The following SLC9C2 variants were observed in gnomAD, a reference collection of about 807,000 sequenced individuals.
SLC9C2 encodes the protein sodium/hydrogen exchanger 11.
In SLC9C2, 75 loss-of-function variants were observed where a neutral mutation model predicts 140.2. The ratio of observed to expected loss-of-function variants is 0.53; its 90% confidence interval spans 0.44 to 0.65. The LOEUF (loss-of-function observed/expected upper bound fraction) is 0.65, where lower values mean the gene tolerates loss of function less well. Ranked by LOEUF, SLC9C2 falls within the 30% of genes least tolerant of loss-of-function variation. The pLI is 0.00. For missense variants in SLC9C2, 1,074 were observed against 1,331.8 expected, an observed-to-expected ratio of 0.81 and a Z score of 3.01; for synonymous variants, 375 against 420.9, an observed-to-expected ratio of 0.89 and a Z score of 1.34.
intron 11 of SLC9C2, among the ~76,000 whole-genome samples, chr1:173,550,428 A>T (rs915139858): frequency 3.3e-5 from 4 of 121,080 alleles, no homozygotes; most frequent in South Asian, 2.7e-4. Context: ...TATTTTATTT[A>T]TTTATTTATT....
intron 11 of SLC9C2, among the ~76,000 whole-genome samples, chr1:173,549,816 T>C (rs1663126612): frequency 6.6e-6 from 1 of 151,944 alleles, no homozygotes; most frequent in Non-Finnish European, 1.5e-5. Flanking sequence ...CAATCAAAAA[T>C]TTATAGAGGG....
intron 13 of SLC9C2, among the ~76,000 whole-genome samples, chr1:173,544,734 A>G (rs1376335537): frequency 1.3e-5 from 2 of 152,170 alleles, no homozygotes; most frequent in African/African-American, 4.8e-5. Context: ...GGAAACCATA[A>G]TTCTGAGCAA....
At chr1:173,537,455 A>T (rs1662053495) in intron 13 of SLC9C2, among the ~76,000 whole-genome samples, 1 of 151,944 alleles carries the variant, frequency 6.6e-6, no homozygotes, top group African/African-American at 2.4e-5. Context: ...CCAGCTACTC[A>T]GGAGGCTAAG....
At chr1:173,522,015 G>C (rs1181688760) in intron 21 of SLC9C2, among the ~76,000 whole-genome samples, 1 of 151,818 alleles carries the variant, frequency 6.6e-6, no homozygotes, top group Non-Finnish European at 1.5e-5. Flanking sequence ...TGGCTAACAC[G>C]GTGAAACCCC....
At chr1:173,511,375 G>T (rs542199009) in intron 23 of SLC9C2, among the ~76,000 whole-genome samples, 326 of 152,062 alleles carry the variant, frequency 2.1e-3, no homozygotes, top group Admixed American at 3.3e-3. Flanking sequence ...GGTGTGAGAT[G>T]GTATTTCATT....
rs367906742 is a variant in SLC9C2, at chr1:173,550,439, TATTTATTTA to T, written c.1298-1896_1298-1888del. On this transcript the variant is annotated intron_variant, in intron 11 of 27. Coordinates refer to ENST00000367714, the MANE Select transcript of SLC9C2 (RefSeq NM_178527.4). ...TTTTTATTTTATTTATTTATTTATT[TATTTATTTA>T]TTTATTTTTGAGGAGGAGTTTCACT... Among the ~76,000 whole-genome samples the T allele has an allele frequency of 4.4e-4, 54 of 123,876 alleles. No individual in the cohort carries two copies. In the Middle Eastern group the frequency reaches 0.011, roughly 24 times the overall value. The allele number at this position is 123,876 out of a possible 152,430, so 81.3% of individuals were successfully genotyped here.
chr1:173,578,229 T>G (rs141172225), intron 7 of SLC9C2, among the ~76,000 whole-genome samples: 1 of 152,304 alleles, frequency 6.6e-6, no homozygotes, highest in Non-Finnish European at 1.5e-5. Context: ...CCCATGTTCT[T>G]TCATGAATTA....
chr1:173,514,447 G>A lies in SLC9C2; in HGVS notation c.2907+3090C>T, dbSNP rs182935453. On this transcript the variant is annotated intron_variant, in intron 23 of 27. Coordinates refer to ENST00000367714, the MANE Select transcript of SLC9C2 (RefSeq NM_178527.4). Reference sequence around the variant, plus strand: ...TCTTTTTTGATCTTTATTAAAGTCCGTTTTGTCAGAGACTAGTATTTCAAC... The same window carrying A: ...TCTTTTTTGATCTTTATTAAAGTCCATTTTGTCAGAGACTAGTATTTCAAC... Among the ~76,000 whole-genome samples the A allele has an allele frequency of 5.0e-3, 757 of 151,980 alleles. 7 individuals are homozygous for A. Among genetic ancestry groups the A allele is most frequent in the African/African-American group, 0.017 (714 of 41,442 alleles).
chr1:173,583,446 A>G, intron 6 of SLC9C2, 60 bp downstream of exon 6: 1 of 950,068 alleles, frequency 1.1e-6, no homozygotes, highest in Non-Finnish European at 1.6e-6. Context: ...AAACATTTGA[A>G]TGTATTTTAA....
chr1:173,554,832 A>G lies in SLC9C2; in HGVS notation c.1216-18T>C, dbSNP rs1260812070. ...AGTATAAACTAAAAACAAAGCACAT[A>G]AATAGTTAGAACCAAAACATTAAAT... On this transcript the variant is annotated intron_variant, in intron 10 of 27. Transcript: ENST00000367714. 6.9e-7 allele frequency: 1 copy of G among 1,440,682 alleles called. No individual in the cohort carries two copies. Among genetic ancestry groups the G allele is most frequent in the Non-Finnish European group, 9.7e-7 (1 of 1,032,078 alleles). 89.2% of individuals were successfully genotyped at this position (1,440,682 alleles called of 1,614,324 possible).
chr1:173,600,517 G>A (rs560720334), intron 2 of SLC9C2, among the ~76,000 whole-genome samples: 3 of 152,020 alleles, frequency 2.0e-5, no homozygotes, highest in Non-Finnish European at 4.4e-5. Flanking sequence ...CTGACTGTAG[G>A]CAAATGTGTT....
intron 9 of SLC9C2, among the ~76,000 whole-genome samples, chr1:173,564,900 G>A (rs1314226514): frequency 5.3e-5 from 8 of 150,784 alleles, no homozygotes; most frequent in African/African-American, 1.9e-4. Context: ...GCCTCCCAAA[G>A]TGCTGGGATT....
In SLC9C2 at chr1:173,548,526, G is replaced by C. The variant is rs770782448; in HGVS notation, c.1324C>G (p.Gln442Glu). 6.2e-7 allele frequency: 1 copy of C among 1,613,658 alleles called. No individual in the cohort carries two copies. Among genetic ancestry groups the C allele is most frequent in the Admixed American group, 1.7e-5 (1 of 59,986 alleles). The change falls in exon 12 of 28, where the codon CAA (glutamine) becomes GAA (glutamate). Residue 442 changes from glutamine (Q) to glutamate (E), a missense_variant. Coordinates refer to ENST00000367714, the MANE Select transcript of SLC9C2 (RefSeq NM_178527.4). Reference sequence around the variant, plus strand: ...TGAGTGGCATTTTGCAAGATCATTTGTCTTGGGAGGGAAAGAACACACAAA... The same window carrying C: ...TGAGTGGCATTTTGCAAGATCATTTCTCTTGGGAGGGAAAGAACACACAAA... ...LDLCVLSLPRQMILQNATQHI... is the reference protein window; with the variant it reads ...LDLCVLSLPREMILQNATQHI...
In SLC9C2 at chr1:173,591,817, G is replaced by A. The variant is rs192163724; in HGVS notation, c.358-3987C>T. 9.3e-4 allele frequency among the ~76,000 whole-genome samples: 142 copies of A among 152,140 alleles called. 1 individual carries two copies. The highest frequency in any genetic ancestry group is 3.2e-3 in the African/African-American group (131 of 41,534). On this transcript the variant is annotated intron_variant, in intron 4 of 27. Transcript: ENST00000367714. ...GCAAATATTTTATCCTATTCTATAGGCTGTTTCCTCTGTTGATAATTTCTT... is the reference window on the plus strand; with the variant it reads ...GCAAATATTTTATCCTATTCTATAGACTGTTTCCTCTGTTGATAATTTCTT...
intron 21 of SLC9C2, among the ~76,000 whole-genome samples, chr1:173,521,885 C>CAAAAAAAAAAAA (rs58355008): frequency 3.9e-5 from 3 of 76,938 alleles, no homozygotes; most frequent in East Asian, 3.5e-4. Context: ...GGGCGCTATG[C>CAAAAAAAAAAAA]AAAAAAAAAA....
intron 17 of SLC9C2, 145 bp from the exon 18 acceptor site, chr1:173,530,199 C>T (rs907189875): frequency 1.5e-6 from 1 of 669,280 alleles, no homozygotes; most frequent in Non-Finnish European, 2.4e-6. Flanking sequence ...TCAGGTCCCA[C>T]TGGAGACCTG....
chr1:173,545,657 T>G (rs1662793898), intron 13 of SLC9C2, among the ~76,000 whole-genome samples: 2 of 152,184 alleles, frequency 1.3e-5, no homozygotes, highest in South Asian at 4.1e-4. Flanking sequence ...TACTGGACTT[T>G]GAGTCTGGTA....
intron 23 of SLC9C2, among the ~76,000 whole-genome samples, chr1:173,513,674 T>C (rs2101914902): frequency 6.6e-6 from 1 of 152,324 alleles, no homozygotes; most frequent in South Asian, 2.1e-4. Flanking sequence ...CTGATATTAG[T>C]TATTTCTTGT....
intron 9 of SLC9C2, among the ~76,000 whole-genome samples, chr1:173,563,105 A>C (rs1664225127): frequency 6.6e-6 from 1 of 151,730 alleles, no homozygotes; most frequent in Admixed American, 6.6e-5. Context: ...GATGAAGGGC[A>C]GCCAGAGGAT....
Sources: allele counts gnomAD v4.1 joint callset (sites outside exome capture counted in the v4.1 genomes callset), GRCh38; gene constraint gnomAD v4.1.1; transcripts MANE v1.5; gene names NCBI Gene and HGNC (gene_info 2026-07-23, HGNC 2026-07-21).